The following SLC7A14 variants were observed in gnomAD, a reference collection of about 807,000 sequenced individuals.
SLC7A14 encodes the protein gamma-aminobutyric acid transporter SLC7A14.
A neutral mutation model predicts 60.2 loss-of-function variants in SLC7A14; 37 were observed. The ratio of observed to expected loss-of-function variants is 0.61; its 90% CI spans 0.47 to 0.81. The LOEUF (loss-of-function observed/expected upper bound fraction) is 0.81, where lower values mean the gene tolerates loss of function less well. Ranked by LOEUF, SLC7A14 falls within the 30% of genes least tolerant of loss-of-function variation. SLC7A14 has a pLI of 0.00. For missense variants in SLC7A14, 886 were observed against 982.7 expected (o/e 0.90, Z 1.32); for synonymous variants, 399 against 395.8 (o/e 1.01, Z -0.10).
intron 1 of SLC7A14, among the ~76,000 whole-genome samples, chr3:170,541,961 C>T (rs528653284): frequency 6.0e-4 from 92 of 152,276 alleles, no homozygotes; most frequent in African/African-American, 2.2e-3. Context: ...GAAATATCCT[C>T]GGTTTTTGTA....
At chr3:170,557,146 G>A (rs1397908793) in intron 1 of SLC7A14, among the ~76,000 whole-genome samples, 1 of 152,164 alleles carries the variant, frequency 6.6e-6, no homozygotes, top group East Asian at 1.9e-4. Flanking sequence ...TTGTGTGGTA[G>A]CTTCCTGCCT....
intron 1 of SLC7A14, among the ~76,000 whole-genome samples, chr3:170,571,775 AC>A (rs1302030738): frequency 1.3e-5 from 2 of 152,164 alleles, no homozygotes; most frequent in African/African-American, 4.8e-5. Flanking sequence ...AAAAAGTAAG[AC>A]TTGGCCAGGC....
intron 7 of SLC7A14, among the ~76,000 whole-genome samples, chr3:170,469,809 C>T (rs187912603): frequency 5.3e-5 from 8 of 152,162 alleles, no homozygotes; most frequent in East Asian, 1.9e-4. Context: ...TGCTTATAGA[C>T]GACTCATTTC....
At chr3:170,577,490 C>T (rs1164149123) in intron 1 of SLC7A14, among the ~76,000 whole-genome samples, 6 of 151,344 alleles carry the variant, frequency 4.0e-5, no homozygotes, top group Admixed American at 6.6e-5. Flanking sequence ...CGGTGGCGGG[C>T]GCCTGTAGTC....
At chr3:170,504,597 A>G (rs1712714149) in intron 2 of SLC7A14, among the ~76,000 whole-genome samples, 1 of 152,142 alleles carries the variant, frequency 6.6e-6, no homozygotes. Context: ...CTGGGATTAC[A>G]GCGTGAGCCA....
intron 7 of SLC7A14, among the ~76,000 whole-genome samples, chr3:170,473,794 G>A (rs893980483): frequency 9.9e-5 from 15 of 152,274 alleles, no homozygotes; most frequent in African/African-American, 3.4e-4. Flanking sequence ...GAAGTTGGGC[G>A]GAGATTCTCT....
chr3:170,486,506 A>G (rs1712036307), intron 4 of SLC7A14, 138 bp from the exon 5 acceptor site: 1 of 1,057,450 alleles, frequency 9.5e-7, no homozygotes, highest in South Asian at 1.5e-5. Flanking sequence ...CTCGTGCTAA[A>G]CACGCAGGTT....
chr3:170,476,890 C>T (rs931885367), intron 7 of SLC7A14: 3 of 152,240 alleles, frequency 2.0e-5, no homozygotes, highest in African/African-American at 7.2e-5. Context: ...GCCCCTGCCA[C>T]CTGACTGTTT....
chr3:170,496,126 T>C (rs1264307486), intron 4 of SLC7A14: 19 of 1,004,606 alleles, frequency 1.9e-5, no homozygotes, highest in Non-Finnish European at 3.0e-5. Context: ...GAAGAGGAGA[T>C]CCAGGAGCTG....
intron 1 of SLC7A14, among the ~76,000 whole-genome samples, chr3:170,562,012 G>A (rs1714668449): frequency 6.6e-6 from 1 of 152,216 alleles, no homozygotes; most frequent in South Asian, 2.1e-4. Context: ...CATGGATGCG[G>A]TGAAAAGGAA....
At chr3:170,561,763 G>A (rs909032553) in intron 1 of SLC7A14, among the ~76,000 whole-genome samples, 1 of 151,988 alleles carries the variant, frequency 6.6e-6, no homozygotes, top group Non-Finnish European at 1.5e-5. Flanking sequence ...CTAATATCCA[G>A]AATCTACAAC....
chr3:170,492,991 A>C (rs1047873554), intron 4 of SLC7A14, among the ~76,000 whole-genome samples: 6 of 152,204 alleles, frequency 3.9e-5, no homozygotes, highest in South Asian at 2.1e-4. Flanking sequence ...AACATGAAAA[A>C]CAACTTTTCC....
chr3:170,513,720 G>A (rs767142399), intron 2 of SLC7A14, among the ~76,000 whole-genome samples: 9 of 152,132 alleles, frequency 5.9e-5, no homozygotes, highest in East Asian at 3.9e-4. Context: ...AAATGCATTC[G>A]TTGGGTTGTT....
At chr3:170,571,933 C>T (rs761343931) in intron 1 of SLC7A14, among the ~76,000 whole-genome samples, 6 of 151,796 alleles carry the variant, frequency 4.0e-5, no homozygotes, top group South Asian at 2.1e-4. Context: ...TGGTGGTGCA[C>T]GCCTGTAGTC....
At position 170,585,686 on chromosome 3, in the gene SLC7A14, G is replaced by C. The variant is rs557291027; in HGVS notation, c.-153+225C>G. 2.9e-4 allele frequency among the ~76,000 whole-genome samples: 44 copies of C among 152,232 alleles called. No homozygotes were observed. The South Asian group carries it at 8.9e-3, about 31-fold the overall frequency. On this transcript the variant is annotated intron_variant, in intron 1 of 7. Transcript: ENST00000231706. The surrounding 1 kb of genome is among the most constrained non-coding windows in gnomAD (Gnocchi z 5.1). ...CCGCGGGCAGTCGGGGCCTCATTCCGGGCCAGAGCAGGAAAGAGCCCGACC... is the reference window on the plus strand; with the variant it reads ...CCGCGGGCAGTCGGGGCCTCATTCCCGGCCAGAGCAGGAAAGAGCCCGACC...
chr3:170,479,437 G>A (rs909210934), intron 7 of SLC7A14, among the ~76,000 whole-genome samples: 1 of 152,166 alleles, frequency 6.6e-6, no homozygotes, highest in Non-Finnish European at 1.5e-5. Flanking sequence ...ATCAGAGATT[G>A]TCCTAGATGA....
intron 7 of SLC7A14, among the ~76,000 whole-genome samples, chr3:170,473,755 G>A (rs748123630): frequency 6.6e-6 from 1 of 151,946 alleles, no homozygotes; most frequent in South Asian, 2.1e-4. Flanking sequence ...TGTTTAATAT[G>A]GTATGGCCAG....
intron 1 of SLC7A14, among the ~76,000 whole-genome samples, chr3:170,545,974 A>T (rs1483208477): frequency 1.3e-5 from 2 of 152,338 alleles, no homozygotes; most frequent in East Asian, 3.9e-4. Context: ...CTTAGGACTT[A>T]TCTGAGCAGG....
chr3:170,540,279 G>A (rs1713979563), intron 1 of SLC7A14, among the ~76,000 whole-genome samples: 2 of 152,084 alleles, frequency 1.3e-5, no homozygotes, highest in Admixed American at 6.5e-5. Flanking sequence ...GAATAAGGGA[G>A]GACTACCATA....
Sources: gnomAD v4.1 joint callset for allele counts (sites outside exome capture counted in the v4.1 genomes callset) on GRCh38, gnomAD v4.1.1 for gene constraint, Gnocchi (gnomAD v3.1) non-coding constraint, MANE v1.5 for transcripts, NCBI Gene and HGNC (gene_info 2026-07-23, HGNC 2026-07-21) for gene names.